MAPKAP1: variants seen among roughly 807,000 people sequenced by gnomAD.
MAPKAP1 encodes MAPK associated protein 1.
A neutral mutation model predicts 65.7 loss-of-function variants in MAPKAP1; 20 were observed. The observed-to-expected ratio is 0.30, with a 90% CI of 0.21 to 0.44. The LOEUF (loss-of-function observed/expected upper bound fraction) is 0.44, where lower values mean the gene tolerates loss of function less well. Ranked by LOEUF, MAPKAP1 falls within the 20% of genes least tolerant of loss-of-function variation. The pLI is 1.00. For synonymous variants in MAPKAP1, 222 were observed against 244.3 expected (o/e 0.91, Z 0.85); for missense variants, 423 against 648.0 (o/e 0.65, Z 3.77).
chr9:125,584,665 G>A (rs913104581), intron 5 of MAPKAP1, among the ~76,000 whole-genome samples: 3 of 152,140 alleles, frequency 2.0e-5, no homozygotes, highest in Non-Finnish European at 4.4e-5. Context: ...GACCTCAGGT[G>A]ATCCGCCCAC....
At chr9:125,626,154 C>G (rs993359568) in intron 4 of MAPKAP1, among the ~76,000 whole-genome samples, 4 of 152,238 alleles carry the variant, frequency 2.6e-5, no homozygotes, top group African/African-American at 9.6e-5. Context: ...GAAAACTGCT[C>G]TACCAGGCTT....
chr9:125,581,680 AT>A (rs1382879748), intron 5 of MAPKAP1, among the ~76,000 whole-genome samples: 1 of 152,138 alleles, frequency 6.6e-6, no homozygotes, highest in East Asian at 1.9e-4. Context: ...AATATTTTTA[AT>A]TTTAATGAAG....
intron 10 of MAPKAP1, among the ~76,000 whole-genome samples, chr9:125,456,011 T>G (rs1047582376): frequency 6.6e-6 from 1 of 152,270 alleles, no homozygotes; most frequent in African/African-American, 2.4e-5. Flanking sequence ...ATATTTTCAC[T>G]GAATATAGGA....
chr9:125,579,866 T>A (rs760007758), intron 5 of MAPKAP1, among the ~76,000 whole-genome samples: 2 of 152,196 alleles, frequency 1.3e-5, no homozygotes, highest in Non-Finnish European at 2.9e-5. Context: ...CCAACGTCAC[T>A]AAGAATTGTA....
chr9:125,440,252 T>C (rs1032264181), intron 11 of MAPKAP1, among the ~76,000 whole-genome samples: 10 of 152,326 alleles, frequency 6.6e-5, no homozygotes, highest in Admixed American at 6.5e-4. Context: ...TTGAGACAGA[T>C]GCCACTGTCA....
rs79531741 is a variant in MAPKAP1 at position 125,507,878 on chromosome 9, A to G, written c.959-1461T>C. On this transcript the variant is annotated intron_variant, in intron 7 of 11. Transcript: ENST00000265960. ...ATTTTTTTTTAAAATTCTAATTTCA[A>G]AAGTGTTAAATAAGGCCAGGCATGG... is the stretch of plus-strand genomic sequence containing the variant. 8.2e-3 allele frequency among the ~76,000 whole-genome samples: 1,255 copies of G among 152,364 alleles called. 13 individuals carry two copies. Among genetic ancestry groups the G allele is most frequent in the Middle Eastern group, 0.048 (14 of 294 alleles).
At chr9:125,650,181 G>A (rs1022721065) in intron 4 of MAPKAP1, among the ~76,000 whole-genome samples, 6 of 152,112 alleles carry the variant, frequency 3.9e-5, no homozygotes, top group African/African-American at 9.7e-5. Context: ...CTCACCCAGA[G>A]CACTGCAAAA....
chr9:125,527,049 T>G (rs551184815), intron 7 of MAPKAP1, among the ~76,000 whole-genome samples: 1 of 139,750 alleles, frequency 7.2e-6, no homozygotes, highest in South Asian at 2.5e-4. Context: ...CTGGGATTCA[T>G]ACATGTAGTG....
At position 125,500,957 on chromosome 9, in the gene MAPKAP1, C is replaced by T. The variant is rs934350968; in HGVS notation, c.1066+5353G>A. Among the ~76,000 whole-genome samples the T allele has an allele frequency of 3.3e-5, 5 of 152,138 alleles. No individual in the cohort carries two copies. The South Asian group carries it at 8.3e-4, about 25-fold the overall frequency. Reference sequence around the variant, plus strand: ...GTTCATTTCTACGGGGTAAAAATTCCGATAAGCAAGTCACATAGGAGTGTA... The same window carrying T: ...GTTCATTTCTACGGGGTAAAAATTCTGATAAGCAAGTCACATAGGAGTGTA... On this transcript the variant is annotated intron_variant, in intron 8 of 11. Coordinates refer to ENST00000265960, the MANE Select transcript of MAPKAP1 (RefSeq NM_001006617.3).
chr9:125,497,331 G>A (rs935114690), intron 8 of MAPKAP1, among the ~76,000 whole-genome samples: 1 of 152,142 alleles, frequency 6.6e-6, no homozygotes, highest in Admixed American at 6.5e-5. Flanking sequence ...AAAGATCAAA[G>A]GAAGCTGAAT....
chr9:125,674,990 G>A (rs1183855675), intron 1 of MAPKAP1, among the ~76,000 whole-genome samples: 1 of 152,100 alleles, frequency 6.6e-6, no homozygotes. Flanking sequence ...AATTAACAAT[G>A]AGCATTTAAA....
chr9:125,550,998 C>T (rs1255875567), intron 6 of MAPKAP1, among the ~76,000 whole-genome samples: 2 of 152,158 alleles, frequency 1.3e-5, no homozygotes, highest in Non-Finnish European at 2.9e-5. Flanking sequence ...TAACTAACTA[C>T]CTGTCTCTGA....
chr9:125,501,966 T>G (rs1828994604), intron 8 of MAPKAP1, among the ~76,000 whole-genome samples: 1 of 152,176 alleles, frequency 6.6e-6, no homozygotes, highest in South Asian at 2.1e-4. Context: ...CAACTCTTGA[T>G]TCTGATGTTT....
At chr9:125,678,717 G>C (rs1425831472) in intron 1 of MAPKAP1, among the ~76,000 whole-genome samples, 1 of 152,148 alleles carries the variant, frequency 6.6e-6, no homozygotes, top group Non-Finnish European at 1.5e-5. Context: ...CCTGCCTGTG[G>C]TAACTAGGAA....
At chr9:125,550,447 A>G (rs1830553958) in intron 6 of MAPKAP1, among the ~76,000 whole-genome samples, 1 of 152,190 alleles carries the variant, frequency 6.6e-6, no homozygotes, top group South Asian at 2.1e-4. Flanking sequence ...CTAAAGCAAC[A>G]ATCTGGCATA....
intron 4 of MAPKAP1, among the ~76,000 whole-genome samples, chr9:125,601,265 A>G (rs888376635): frequency 3.3e-5 from 5 of 152,202 alleles, no homozygotes; most frequent in Non-Finnish European, 7.3e-5. Flanking sequence ...AAGATAGCGA[A>G]GTATTTTGAG....
intron 4 of MAPKAP1, among the ~76,000 whole-genome samples, chr9:125,598,504 A>G (rs1832205928): frequency 6.6e-6 from 1 of 152,164 alleles, no homozygotes; most frequent in Non-Finnish European, 1.5e-5. Flanking sequence ...TTTCTTTAAC[A>G]AGGTCAAGTT....
chr9:125,536,553 C>G (rs1651674509), intron 7 of MAPKAP1, among the ~76,000 whole-genome samples: 1 of 151,282 alleles, frequency 6.6e-6, no homozygotes, highest in African/African-American at 2.4e-5. Context: ...TGCTTTTTGA[C>G]AAAGATCACT....
At chr9:125,615,690 A>G (rs1303807667) in intron 4 of MAPKAP1, among the ~76,000 whole-genome samples, 2 of 152,202 alleles carry the variant, frequency 1.3e-5, no homozygotes, top group African/African-American at 4.8e-5. Flanking sequence ...AGGTGAGTGG[A>G]TAACTTGAGG....
Sources: gnomAD v4.1 joint callset for allele counts (sites outside exome capture counted in the v4.1 genomes callset) on GRCh38, gnomAD v4.1.1 for gene constraint, MANE v1.5 for transcripts, NCBI Gene and HGNC (gene_info 2026-07-23, HGNC 2026-07-21) for gene names.